The following SLCO5A1 variants were observed in gnomAD, a reference collection of about 807,000 sequenced individuals.
SLCO5A1 encodes solute carrier organic anion transporter family member 5A1.
In SLCO5A1, 39 loss-of-function variants were observed where a neutral mutation model predicts 65.1. That is an observed-to-expected ratio of 0.60 (90% CI 0.46 to 0.78). The LOEUF is 0.78. Among genes scored for constraint, SLCO5A1 ranks in the 30% least tolerant of loss-of-function variants. SLCO5A1 has a pLI of 0.00. For missense variants in SLCO5A1, 1,029 were observed against 1,069.4 expected (o/e 0.96, Z 0.53); for synonymous variants, 438 against 415.7 (o/e 1.05, Z -0.65).
At position 69,672,907 on chromosome 8, in the gene SLCO5A1, G is replaced by GCC; in HGVS notation, c.2507_2508dup (p.Leu837GlyfsTer16). The stretch of plus-strand genomic sequence containing the variant: ...TCCAAGGCAGCGGGGCTCTCTTCCA[G>GCC]CCCCGGGTCCGCAGAGGAACTTATT... On this transcript the variant is annotated frameshift_variant, in exon 10 of 10. Transcript: ENST00000260126. LOFTEE classifies it low-confidence loss of function (END_TRUNC). The GCC allele has an allele frequency of 6.2e-7, 1 of 1,613,786 alleles. No homozygotes were observed. The highest frequency in any genetic ancestry group is 1.1e-5 in the South Asian group (1 of 91,078).
At chr8:69,809,786 T>G (rs1820144530) in intron 2 of SLCO5A1, among the ~76,000 whole-genome samples, 1 of 151,928 alleles carries the variant, frequency 6.6e-6, no homozygotes, top group Non-Finnish European at 1.5e-5. Context: ...AAGGAGTACT[T>G]TTTTTGCTTT....
intron 2 of SLCO5A1, among the ~76,000 whole-genome samples, chr8:69,767,910 A>C (rs1203605063): frequency 7.7e-6 from 1 of 130,040 alleles, no homozygotes; most frequent in Non-Finnish European, 1.5e-5. Context: ...AAAAAAAAAA[A>C]ACAAAAAGAA....
intron 5 of SLCO5A1, chr8:69,714,774 T>C (rs1463214499): frequency 6.6e-6 from 1 of 152,220 alleles, no homozygotes; most frequent in Non-Finnish European, 1.5e-5. Context: ...ATAAAGCCCA[T>C]ATTTAACTCC....
At chr8:69,818,364 G>A (rs1820489761) in intron 2 of SLCO5A1, among the ~76,000 whole-genome samples, 1 of 152,182 alleles carries the variant, frequency 6.6e-6, no homozygotes. Context: ...TAGCAGCAAT[G>A]GACTCCCCTG....
intron 5 of SLCO5A1, among the ~76,000 whole-genome samples, chr8:69,715,756 T>C (rs1181671756): frequency 6.6e-6 from 1 of 152,196 alleles, no homozygotes; most frequent in Non-Finnish European, 1.5e-5. Flanking sequence ...AGAGCAGACA[T>C]TTCATAAATA....
intron 2 of SLCO5A1, among the ~76,000 whole-genome samples, chr8:69,821,542 C>T (rs903903550): frequency 3.3e-5 from 5 of 152,050 alleles, no homozygotes; most frequent in Non-Finnish European, 7.4e-5. Context: ...GGCGCAGTGG[C>T]TCACATCTGT....
chr8:69,681,688 C>G (rs931323051), intron 7 of SLCO5A1, among the ~76,000 whole-genome samples: 7 of 152,166 alleles, frequency 4.6e-5, no homozygotes, highest in Non-Finnish European at 7.3e-5. Context: ...ATAGCCTATT[C>G]TTGAACTGTC....
chr8:69,822,262 G>A (rs757741756), intron 2 of SLCO5A1, among the ~76,000 whole-genome samples: 1 of 152,240 alleles, frequency 6.6e-6, no homozygotes, highest in Non-Finnish European at 1.5e-5. Flanking sequence ...CCACAGTGGT[G>A]AAATGGCACA....
Position 69,736,849 on chromosome 8 carries a change from A to G in SLCO5A1, c.1423+1191T>C, listed in dbSNP as rs554248381. ...TAACAGCTGTGTGGCTTTGAATCTA[A>G]CTTCAAGACAACTTTTGTTTTCCCT... is the stretch of plus-strand genomic sequence containing the variant. On this transcript the variant is annotated intron_variant, in intron 5 of 9. Coordinates refer to ENST00000260126, the MANE Select transcript of SLCO5A1 (RefSeq NM_030958.3). Among the ~76,000 whole-genome samples, 20 of 152,332 alleles carry G rather than the reference A, an allele frequency of 1.3e-4. 1 individual carries two copies. Among genetic ancestry groups the G allele is most frequent in the Admixed American group, 1.2e-3 (18 of 15,296 alleles).
At chr8:69,783,265 G>A (rs937293874) in intron 2 of SLCO5A1, among the ~76,000 whole-genome samples, 1 of 151,952 alleles carries the variant, frequency 6.6e-6, no homozygotes, top group African/African-American at 2.4e-5. Context: ...AGCATAATAG[G>A]ATGACTATAG....
chr8:69,827,715 TAAG>T (rs1376430005), intron 2 of SLCO5A1, among the ~76,000 whole-genome samples: 2 of 152,066 alleles, frequency 1.3e-5, no homozygotes, highest in African/African-American at 4.8e-5. Context: ...TTATGAAAAA[TAAG>T]AAAGACATTT....
In SLCO5A1 at chr8:69,758,696, AAC is replaced by A. The variant is rs1207726884; in HGVS notation, c.1040+3045_1040+3046del. ...CAGAGCAAACCAACTCACATTATTCAACAGTCTCAAATAACATCGATACAACA... is the reference window on the plus strand; with the variant it reads ...CAGAGCAAACCAACTCACATTATTCAAGTCTCAAATAACATCGATACAACA... On this transcript the variant is annotated intron_variant, in intron 3 of 9. Transcript: ENST00000260126. Among the ~76,000 whole-genome samples the A allele has an allele frequency of 5.3e-5, 8 of 152,334 alleles. No homozygotes were observed. In the South Asian group the frequency reaches 1.7e-3, roughly 32 times the overall value.
chr8:69,735,874 T>C (rs1816531806), intron 5 of SLCO5A1, among the ~76,000 whole-genome samples: 1 of 152,232 alleles, frequency 6.6e-6, no homozygotes, highest in Non-Finnish European at 1.5e-5. Flanking sequence ...AAAATAATTA[T>C]CATCTCTGTT....
Position 69,761,848 on chromosome 8 carries a change from C to T in SLCO5A1, c.935G>A (p.Gly312Asp), listed in dbSNP as rs1817789638. 6.2e-7 allele frequency: 1 copy of T among 1,613,620 alleles called. No individual in the cohort carries two copies. Among genetic ancestry groups the T allele is most frequent in the Non-Finnish European group, 8.5e-7 (1 of 1,179,956 alleles). The change falls in exon 3 of 10, where the codon GGC becomes GAC. Residue 312 changes from glycine (G) to aspartate (D), a missense_variant. By Grantham distance (94) the Gly-to-Asp change is moderately conservative. This residue lies in a region of SLCO5A1 where 647 missense variants were observed against 647.5 expected (regional missense o/e 1.00). Coordinates refer to ENST00000260126, the MANE Select transcript of SLCO5A1 (RefSeq NM_030958.3). Reference sequence around the variant, plus strand: ...ACCTAATAAATATCCCACTGCAGGGCCAAGTGCTCCCATGACATACATGAT... The same window carrying T: ...ACCTAATAAATATCCCACTGCAGGGTCAAGTGCTCCCATGACATACATGAT... ...LAIMYVMGAL[G>D]PAVGYLLGGL...
At chr8:69,794,668 G>T (rs1251896845) in intron 2 of SLCO5A1, 5 of 317,732 alleles carry the variant, frequency 1.6e-5, no homozygotes, top group South Asian at 3.0e-5. Flanking sequence ...TGATATTTGT[G>T]GCAGATTGCC....
intron 6 of SLCO5A1, among the ~76,000 whole-genome samples, chr8:69,695,403 G>A (rs1814455253): frequency 6.6e-6 from 1 of 152,034 alleles, no homozygotes; most frequent in South Asian, 2.1e-4. Flanking sequence ...GCTGAGGCAG[G>A]GATAATTGCT....
chr8:69,829,177 A>ATTTT (rs537545796), intron 2 of SLCO5A1, among the ~76,000 whole-genome samples: 1 of 152,240 alleles, frequency 6.6e-6, no homozygotes, highest in Non-Finnish European at 1.5e-5. Context: ...TGCATGTAAT[A>ATTTT]TAAAACACCC....
chr8:69,757,394 C>A (rs1038694706), intron 3 of SLCO5A1, among the ~76,000 whole-genome samples: 1 of 152,056 alleles, frequency 6.6e-6, no homozygotes, highest in East Asian at 1.9e-4. Flanking sequence ...GTGGCTCATG[C>A]CTGTAATCCC....
chr8:69,798,858 G>C (rs539379158), intron 2 of SLCO5A1, among the ~76,000 whole-genome samples: 1 of 152,334 alleles, frequency 6.6e-6, no homozygotes, highest in African/African-American at 2.4e-5. Flanking sequence ...GCTATACATT[G>C]GCCATGGATA....
Sources: allele counts gnomAD v4.1 joint callset (sites outside exome capture counted in the v4.1 genomes callset), GRCh38; gene constraint gnomAD v4.1.1; regional missense constraint gnomAD v4.1.1; transcripts MANE v1.5; gene names NCBI Gene and HGNC (gene_info 2026-07-23, HGNC 2026-07-21).